AGAP1: variants seen among roughly 807,000 people sequenced by gnomAD.
AGAP1 encodes ArfGAP with GTPase domain, ankyrin repeat and PH domain 1, also known as arf-GAP with GTPase, ANK repeat and PH domain-containing protein 1.
Under a neutral mutation model 105.3 loss-of-function variants are expected in AGAP1, and 29 were observed. The ratio of observed to expected loss-of-function variants is 0.28; its 90% CI spans 0.21 to 0.38. AGAP1 has a LOEUF of 0.38. AGAP1 is among the 10% of genes least tolerant of loss of function. The pLI is 1.00. For missense variants in AGAP1, 998 were observed against 1,165.1 expected, an observed-to-expected ratio of 0.86 and a Z score of 2.09; for synonymous variants, 509 against 485.9, an observed-to-expected ratio of 1.05 and a Z score of -0.63.
intron 1 of AGAP1, among the ~76,000 whole-genome samples, chr2:235,520,070 C>G (rs748248241): frequency 1.3e-5 from 2 of 152,212 alleles, no homozygotes; most frequent in African/African-American, 2.4e-5. Flanking sequence ...GCATGAGCCA[C>G]CAGGCCCGGC....
chr2:235,837,703 G>A (rs898749790), intron 9 of AGAP1, among the ~76,000 whole-genome samples: 1 of 152,194 alleles, frequency 6.6e-6, no homozygotes, highest in Admixed American at 6.5e-5. Context: ...CTGTATTCCT[G>A]TGAAAGTAAC....
At chr2:235,710,811 C>G (rs990412134) in intron 2 of AGAP1, among the ~76,000 whole-genome samples, 1 of 152,124 alleles carries the variant, frequency 6.6e-6, no homozygotes, top group Non-Finnish European at 1.5e-5. Context: ...CGCTGCCACT[C>G]GGGTGCTGTG....
chr2:235,567,594 G>A (rs1231799504), intron 1 of AGAP1, among the ~76,000 whole-genome samples: 1 of 152,224 alleles, frequency 6.6e-6, no homozygotes, highest in Non-Finnish European at 1.5e-5. Flanking sequence ...CTGGGGAGCT[G>A]TGAACCCAGG....
intron 16 of AGAP1, among the ~76,000 whole-genome samples, chr2:236,094,923 C>CAAAAAA (rs59126473): frequency 2.4e-4 from 9 of 37,784 alleles, no homozygotes; most frequent in African/African-American, 6.6e-4. Context: ...CCCATCTCTA[C>CAAAAAA]AAAAAAAAAA....
rs1344051143 is a variant in AGAP1 at position 235,701,318 on chromosome 2, T to C, written c.164-7861T>C. Among the ~76,000 whole-genome samples, 1 of 152,106 alleles carries C rather than the reference T, an allele frequency of 6.6e-6. No individual in the cohort carries two copies. The highest frequency in any genetic ancestry group is 2.4e-5 in the African/African-American group (1 of 41,424). Reference sequence around the variant, plus strand: ...ACCCAGTCAAATGCTGACGTTGTTGTGACAGATTCTAAGTCGCCTCAGGGC... The same window carrying C: ...ACCCAGTCAAATGCTGACGTTGTTGCGACAGATTCTAAGTCGCCTCAGGGC... On this transcript the variant is annotated intron_variant, in intron 1 of 17. Transcript: ENST00000304032. The surrounding 1 kb of genome is among the most constrained non-coding windows in gnomAD (Gnocchi z 4.1).
rs1947738813 is a variant in AGAP1, at chr2:235,655,343, G to C, written c.164-53836G>C. Among the ~76,000 whole-genome samples the C allele has an allele frequency of 6.6e-6, 1 of 152,132 alleles. No homozygotes were observed. The highest frequency in any genetic ancestry group is 2.4e-5 in the African/African-American group (1 of 41,422). ...ATTAATAAATTGAGTAGGTGAAAAAGACAATAGATGGAAAGCTGGAAAGTG... is the reference window on the plus strand; with the variant it reads ...ATTAATAAATTGAGTAGGTGAAAAACACAATAGATGGAAAGCTGGAAAGTG... On this transcript the variant is annotated intron_variant, in intron 1 of 17. Transcript: ENST00000304032. The surrounding 1 kb of genome is among the most constrained non-coding windows in gnomAD (Gnocchi z 4.3).
Position 235,642,135 on chromosome 2 carries a change from G to A in AGAP1, c.164-67044G>A, listed in dbSNP as rs1351157658. The stretch of plus-strand genomic sequence containing the variant: ...CTTCCCCAGGGGCCCTCCAGAGGGT[G>A]CCCATCCACGGAGTGCGGCGCCTGC... On this transcript the variant is annotated intron_variant, in intron 1 of 17. Transcript: ENST00000304032. The surrounding 1 kb of genome is among the most constrained non-coding windows in gnomAD (Gnocchi z 4.1). Among the ~76,000 whole-genome samples the A allele has an allele frequency of 2.0e-5, 3 of 152,238 alleles. No individual in the cohort carries two copies. The East Asian group carries it at 5.8e-4, about 29-fold the overall frequency.
intron 1 of AGAP1, among the ~76,000 whole-genome samples, chr2:235,617,663 C>T (rs190041423): frequency 6.6e-6 from 1 of 152,336 alleles, no homozygotes; most frequent in East Asian, 1.9e-4. Context: ...GATCCCGCCA[C>T]TGCACTCCAG....
At chr2:235,602,429 C>T (rs961387231) in intron 1 of AGAP1, among the ~76,000 whole-genome samples, 1 of 152,178 alleles carries the variant, frequency 6.6e-6, no homozygotes, top group Admixed American at 6.6e-5. Context: ...GGCCTTCTTT[C>T]CTCACTACCT....
intron 6 of AGAP1, among the ~76,000 whole-genome samples, chr2:235,773,378 C>T (rs764239041): frequency 6.6e-6 from 1 of 152,114 alleles, no homozygotes; most frequent in South Asian, 2.1e-4. Context: ...TGGAAAGCAA[C>T]CAATCAAAGG....
At chr2:235,520,214 TTAATATGGTCA>T (rs1942563192) in intron 1 of AGAP1, among the ~76,000 whole-genome samples, 1 of 152,260 alleles carries the variant, frequency 6.6e-6, no homozygotes, top group African/African-American at 2.4e-5. Context: ...GAACAGTTCC[TTAATATGGTCA>T]AATATCCAGT....
chr2:235,715,828 T>C (rs943929962), intron 2 of AGAP1, among the ~76,000 whole-genome samples: 2 of 152,038 alleles, frequency 1.3e-5, no homozygotes, highest in African/African-American at 4.8e-5. Context: ...CTCCCTGACT[T>C]CCAGCCACTG....
In AGAP1 at chr2:235,845,644, T is replaced by C. The variant is rs1357444277; in HGVS notation, c.1051-37701T>C. Among the ~76,000 whole-genome samples, 1 of 151,838 alleles carries C rather than the reference T, an allele frequency of 6.6e-6. No individual in the cohort carries two copies. The highest frequency in any genetic ancestry group is 1.5e-5 in the Non-Finnish European group (1 of 67,960). On this transcript the variant is annotated intron_variant, in intron 9 of 17. Transcript: ENST00000304032. The surrounding 1 kb of genome is among the most constrained non-coding windows in gnomAD (Gnocchi z 4.8). ...CTTTTTAATTTCTCAGTGTATGTTT[T>C]CTGGTATAATCTGCTTGTCTTTGCC...
chr2:236,028,507 T>C lies in AGAP1; in HGVS notation c.1646-8054T>C, dbSNP rs13427616. Among the ~76,000 whole-genome samples, 1,164 of 152,364 alleles carry C rather than the reference T, an allele frequency of 7.6e-3. 13 individuals carry two copies. The highest frequency in any genetic ancestry group is 0.027 in the African/African-American group (1,104 of 41,584). On this transcript the variant is annotated intron_variant, in intron 13 of 17. Transcript: ENST00000304032. ...TATATGTCTATTATTTGTGAAGGCA[T>C]GCTTAAATACGATTTTTGTTTGCTA...
At position 236,014,843 on chromosome 2, in the gene AGAP1, C is replaced by T. The variant is rs746809689; in HGVS notation, c.1646-21718C>T. The stretch of plus-strand genomic sequence containing the variant: ...ATGGAAACTAAACCGTGTTGGTAGC[C>T]TGCGAAATATATACAGCAGCAGCAC... On this transcript the variant is annotated intron_variant, in intron 13 of 17. Coordinates refer to ENST00000304032, the MANE Select transcript of AGAP1 (RefSeq NM_001037131.3). This position sits in a 1 kb window ranked among gnomAD's most constrained non-coding sequence, Gnocchi z 6.3. 23 of 459,116 alleles carry T rather than the reference C, an allele frequency of 5.0e-5. No homozygotes were observed. Among genetic ancestry groups the T allele is most frequent in the Admixed American group, 1.3e-4 (5 of 39,938 alleles). 28.4% of individuals were successfully genotyped at this position (459,116 alleles called of 1,614,324 possible).
chr2:235,588,715 A>T (rs563729867), intron 1 of AGAP1, among the ~76,000 whole-genome samples: 1 of 152,162 alleles, frequency 6.6e-6, no homozygotes, highest in East Asian at 1.9e-4. Flanking sequence ...TTTAAAATCT[A>T]TCTTTGATTT....
intron 1 of AGAP1, among the ~76,000 whole-genome samples, chr2:235,583,145 C>T (rs1317425187): frequency 6.6e-6 from 1 of 152,116 alleles, no homozygotes; most frequent in East Asian, 1.9e-4. Context: ...AGGTGTGGGT[C>T]CTCTGCCTGG....
At chr2:235,770,264 C>T (rs1403601786) in intron 6 of AGAP1, among the ~76,000 whole-genome samples, 3 of 150,658 alleles carry the variant, frequency 2.0e-5, no homozygotes, top group Admixed American at 6.8e-5. Context: ...TCCCCAGTAG[C>T]TGGGACTACA....
chr2:235,568,051 C>T (rs1944402843), intron 1 of AGAP1, among the ~76,000 whole-genome samples: 1 of 152,062 alleles, frequency 6.6e-6, no homozygotes, highest in Non-Finnish European at 1.5e-5. Flanking sequence ...ACTGCCAGTT[C>T]CCTTCAGTCT....
Sources: gnomAD v4.1 joint callset for allele counts (sites outside exome capture counted in the v4.1 genomes callset) on GRCh38, gnomAD v4.1.1 for gene constraint, Gnocchi (gnomAD v3.1) non-coding constraint, MANE v1.5 for transcripts, NCBI Gene and HGNC (gene_info 2026-07-23, HGNC 2026-07-21) for gene names.